Variants in CA9 observed in about 807,000 individuals in gnomAD.
CA9 encodes carbonic anhydrase 9, also known as CA-IX.
Under a neutral mutation model 51.8 loss-of-function variants are expected in CA9, and 43 were observed. The ratio of observed to expected loss-of-function variants is 0.83; its 90% CI spans 0.65 to 1.07. The LOEUF is 1.07. CA9 is among the 50% of genes least tolerant of loss of function. The pLI is 0.00. For synonymous variants in CA9, 253 were observed against 244.2 expected (o/e 1.04, Z -0.34); for missense variants, 574 against 581.4 (o/e 0.99, Z 0.13).
intron 5 of CA9, among the ~76,000 whole-genome samples, chr9:35,677,536 C>T (rs1218237799): frequency 6.6e-6 from 1 of 152,110 alleles, no homozygotes; most frequent in East Asian, 1.9e-4. Flanking sequence ...AACCAGTCCA[C>T]CAAGCTTGTT....
At chr9:35,677,602 G>A (rs964742466) in intron 5 of CA9, among the ~76,000 whole-genome samples, 188 bp from the exon 6 acceptor site, 3 of 151,928 alleles carry the variant, frequency 2.0e-5, no homozygotes, top group African/African-American at 7.3e-5. Context: ...TTTTAAGAGG[G>A]AGACACTGTC....
Position 35,675,767 on chromosome 9 carries a change from C to T in CA9, c.440C>T (p.Pro147Leu). The T allele has an allele frequency of 6.2e-7, 1 of 1,601,454 alleles. No homozygotes were observed. Among genetic ancestry groups the T allele is most frequent in the Middle Eastern group, 2.0e-4 (1 of 5,060 alleles). ...CTATACTCTCCCACCCCAGGCGACC[C>T]GCCCTGGCCCCGGGTGTCCCCAGCC... ...DQSHWRYGGD[P>L]PWPRVSPACA... The change falls in exon 3 of 11, where the codon CCG (proline) becomes CTG (leucine). Residue 147 changes from proline to leucine, a missense_variant. By Grantham distance (98) the Pro-to-Leu change is moderately conservative (BLOSUM62 -3). Coordinates refer to ENST00000378357, the MANE Select transcript of CA9 (RefSeq NM_001216.3).
rs763827693 is a variant in CA9, at chr9:35,679,388, G to A, written c.1065+46G>A. 3.2e-6 allele frequency: 5 copies of A among 1,573,958 alleles called. No individual in the cohort carries two copies. In the African/African-American group the frequency reaches 5.5e-5, roughly 17 times the overall value. ...GACACAGTGGGTGCGGGGGAAAGAG[G>A]ATGTAAGATGAGATGAGAAACAGGA... is the stretch of plus-strand genomic sequence containing the variant. On this transcript the variant is annotated intron_variant, in intron 7 of 10. Coordinates refer to ENST00000378357, the MANE Select transcript of CA9 (RefSeq NM_001216.3).
At chr9:35,674,535 G>C (rs1824380327) in intron 1 of CA9, 173 bp downstream of exon 1, 2 of 605,438 alleles carry the variant, frequency 3.3e-6, no homozygotes, top group Non-Finnish European at 5.7e-6. Flanking sequence ...GGTAGAAAGG[G>C]ACAGATGTGG....
chr9:35,679,759 G>T lies in CA9; in HGVS notation c.1066-95G>T, dbSNP rs1201899178. ...CTGGATGGGGAATACAGGAGCTGGA[G>T]GGTGGAGCCCTGAGGTGCTGGTTGT... is the stretch of plus-strand genomic sequence containing the variant. On this transcript the variant is annotated intron_variant, in intron 7 of 10. Coordinates refer to ENST00000378357, the MANE Select transcript of CA9 (RefSeq NM_001216.3). 5.0e-6 allele frequency: 6 copies of T among 1,190,700 alleles called. No individual in the cohort carries two copies. The African/African-American group carries it at 7.7e-5, about 15-fold the overall frequency. The allele number at this position is 1,190,700 out of a possible 1,614,324, so 73.8% of individuals were successfully genotyped here. A position where few individuals can be genotyped will look rare whatever the true frequency, so the allele number is the denominator to read the frequency against.
chr9:35,675,684 C>A, intron 2 of CA9, 77 bp from the exon 3 acceptor site: 2 of 1,493,396 alleles, frequency 1.3e-6, no homozygotes, highest in South Asian at 1.1e-5. Flanking sequence ...CCGTCCCACC[C>A]CCTCACCTTT....
chr9:35,674,400 G>A (rs1563921715), intron 1 of CA9, 38 bp downstream of exon 1: 2 of 1,568,150 alleles, frequency 1.3e-6, no homozygotes, highest in East Asian at 2.2e-5. Context: ...GGTTCCAGGA[G>A]GTTCATGACT....
chr9:35,676,464 A>G, intron 5 of CA9, 75 bp downstream of exon 5: 3 of 1,231,452 alleles, frequency 2.4e-6, no homozygotes, highest in South Asian at 2.7e-5. Context: ...GTGGAGCCAG[A>G]GACCCCATCC....
intron 7 of CA9, among the ~76,000 whole-genome samples, 189 bp downstream of exon 7, chr9:35,679,531 T>C (rs936995128): frequency 6.6e-6 from 1 of 150,394 alleles, no homozygotes; most frequent in African/African-American, 2.4e-5. Flanking sequence ...GGCAACATAG[T>C]GTGACCCCAT....
At chr9:35,678,718 A>G (rs1243291912) in intron 6 of CA9, among the ~76,000 whole-genome samples, 1 of 89,296 alleles carries the variant, frequency 1.1e-5, no homozygotes, top group Non-Finnish European at 2.4e-5. Context: ...TTTTTTTTAC[A>G]TCTTTAGTAG....
chr9:35,676,894 C>A (rs1200369087), intron 5 of CA9, among the ~76,000 whole-genome samples: 1 of 152,126 alleles, frequency 6.6e-6, no homozygotes, highest in Non-Finnish European at 1.5e-5. Flanking sequence ...TCTCTGTCGC[C>A]CAGGCTGGAG....
Position 35,676,334 on chromosome 9 carries a change from T to C in CA9, c.785T>C (p.Val262Ala), listed in dbSNP as rs753940556. 25 of 1,614,038 alleles carry C rather than the reference T, an allele frequency of 1.5e-5. No individual in the cohort carries two copies. The highest frequency in any genetic ancestry group is 2.1e-5 in the Non-Finnish European group (25 of 1,180,002). Residue 262 changes from valine to alanine, a missense_variant, in exon 5 of 11, where the codon GTT (valine) becomes GCT (alanine). Physicochemically the swap from Val to Ala is moderately conservative, Grantham distance 64 (BLOSUM62 0). Transcript: ENST00000378357. ...VVHLSTAFAR[V>A]DEALGRPGGL... ...CACCTCAGCACCGCCTTTGCCAGAGTTGACGAGGCCTTGGGGCGCCCGGGA... is the reference window on the plus strand; with the variant it reads ...CACCTCAGCACCGCCTTTGCCAGAGCTGACGAGGCCTTGGGGCGCCCGGGA...
intron 6 of CA9, among the ~76,000 whole-genome samples, chr9:35,678,493 A>G (rs1373546750): frequency 6.6e-6 from 1 of 151,976 alleles, no homozygotes; most frequent in Non-Finnish European, 1.5e-5. Flanking sequence ...AGCATCAAAT[A>G]TTTTAACTTT....
In CA9 at chr9:35,681,123, G is replaced by A. The variant is rs1824544320; in HGVS notation, c.*98G>A. 1.3e-5 allele frequency: 11 copies of A among 822,164 alleles called. No individual in the cohort carries two copies. The highest frequency in any genetic ancestry group is 2.0e-5 in the Non-Finnish European group (11 of 550,260). The allele number at this position is 822,164 out of a possible 1,614,324, so 50.9% of individuals were successfully genotyped here. On this transcript the variant is annotated 3_prime_UTR_variant, in exon 11 of 11. Transcript: ENST00000378357. ...CTCATTATGCCACTTCCTTTTAACT[G>A]CCAAGAAATTTTTTAAAATAAATAT... is the stretch of plus-strand genomic sequence containing the variant.
chr9:35,679,376 C>CG, intron 7 of CA9, 34 bp downstream of exon 7: 1 of 1,585,598 alleles, frequency 6.3e-7, no homozygotes, highest in South Asian at 1.1e-5. Flanking sequence ...ACAGTGGGTG[C>CG]GGGGGAAAGA....
chr9:35,676,873 T>A (rs1007757843), intron 5 of CA9, among the ~76,000 whole-genome samples: 5 of 152,264 alleles, frequency 3.3e-5, no homozygotes, highest in South Asian at 2.1e-4. Context: ...TTATTTATTT[T>A]TTTGACAGTC....
chr9:35,674,918 GAAGA>G (rs1253423535), intron 1 of CA9: 1 of 156,140 alleles, frequency 6.4e-6, no homozygotes, highest in Non-Finnish European at 1.4e-5. Context: ...TGAGTGGGGA[GAAGA>G]AAGAAGGGAG....
intron 1 of CA9, 124 bp from the exon 2 acceptor site, chr9:35,675,414 C>T: frequency 1.8e-6 from 2 of 1,095,676 alleles, no homozygotes; most frequent in South Asian, 2.6e-5. Flanking sequence ...TTGCACCTGG[C>T]CCGCTTAAGG....
chr9:35,677,567 A>G (rs564639825), intron 5 of CA9, among the ~76,000 whole-genome samples: 13 of 152,030 alleles, frequency 8.6e-5, no homozygotes, highest in Non-Finnish European at 1.6e-4. Context: ...GCAAGAGTAC[A>G]TAGAGTTTGA....
Sources: allele counts gnomAD v4.1 joint callset (sites outside exome capture counted in the v4.1 genomes callset), GRCh38; gene constraint gnomAD v4.1.1; transcripts MANE v1.5; gene names NCBI Gene and HGNC (gene_info 2026-07-23, HGNC 2026-07-21).